NRG3: variants seen among roughly 807,000 people sequenced by gnomAD.
The protein encoded by NRG3 is pro-neuregulin-3, membrane-bound isoform.
NRG3 carries 31 observed loss-of-function variants against 66.9 expected under a neutral mutation model. That is an observed-to-expected ratio of 0.46 (90% CI 0.35 to 0.63). The LOEUF (loss-of-function observed/expected upper bound fraction) is 0.63, where lower values mean the gene tolerates loss of function less well. Ranked by LOEUF, NRG3 falls within the 20% of genes least tolerant of loss-of-function variation. The pLI, the probability that NRG3 is intolerant of heterozygous loss-of-function variation, is 0.00. For synonymous variants in NRG3, 393 were observed against 359.4 expected (o/e 1.09, Z -1.06); for missense variants, 910 against 878.9 (o/e 1.04, Z -0.45).
chr10:82,159,210 T>C (rs1292501448), intron 1 of NRG3, among the ~76,000 whole-genome samples: 2 of 152,038 alleles, frequency 1.3e-5, no homozygotes, highest in East Asian at 1.9e-4. Context: ...CAATGATGTA[T>C]ATGCAAGTAA....
At chr10:82,891,335 C>A (rs1843131623) in intron 4 of NRG3, among the ~76,000 whole-genome samples, 2 of 151,072 alleles carry the variant, frequency 1.3e-5, no homozygotes, top group Non-Finnish European at 3.0e-5. Flanking sequence ...TAATGTTTTC[C>A]AATACAAATT....
intron 1 of NRG3, among the ~76,000 whole-genome samples, chr10:82,126,230 G>A (rs2068441530): frequency 6.6e-6 from 1 of 151,918 alleles, no homozygotes; most frequent in African/African-American, 2.4e-5. Context: ...AATATCATAA[G>A]GTTGTTATTA....
chr10:81,905,508 C>A (rs1377163216), intron 1 of NRG3, among the ~76,000 whole-genome samples: 4 of 152,138 alleles, frequency 2.6e-5, no homozygotes, highest in Non-Finnish European at 5.9e-5. Flanking sequence ...ACAATATTTT[C>A]TTTTATATCT....
intron 2 of NRG3, among the ~76,000 whole-genome samples, chr10:82,582,373 A>G (rs643421): frequency 0.088 from 13,357 of 152,110 alleles, 647 homozygotes; most frequent in East Asian, 0.15. Context: ...CACAAAGGGC[A>G]GGGGGATGAG....
At chr10:82,567,093 G>T (rs990240282) in intron 2 of NRG3, among the ~76,000 whole-genome samples, 1 of 151,944 alleles carries the variant, frequency 6.6e-6, no homozygotes, top group Non-Finnish European at 1.5e-5. Context: ...TCTTTGAAGG[G>T]CAGAGAGAGA....
chr10:82,387,924 T>A (rs2086112316), intron 2 of NRG3, among the ~76,000 whole-genome samples: 1 of 152,166 alleles, frequency 6.6e-6, no homozygotes, highest in South Asian at 2.1e-4. Context: ...CCTGTCAGAA[T>A]GGCAAAGAAC....
chr10:82,897,987 G>A (rs1843824236), intron 4 of NRG3, among the ~76,000 whole-genome samples: 1 of 152,158 alleles, frequency 6.6e-6, no homozygotes, highest in Non-Finnish European at 1.5e-5. Context: ...ACATAATGTA[G>A]CCTTACAGCC....
At chr10:81,999,107 A>G (rs1025083809) in intron 1 of NRG3, among the ~76,000 whole-genome samples, 1 of 152,202 alleles carries the variant, frequency 6.6e-6, no homozygotes, top group African/African-American at 2.4e-5. Flanking sequence ...CTGGGCGGCA[A>G]AGTGTTTTTA....
At chr10:81,895,183 A>C (rs531523749) in intron 1 of NRG3, among the ~76,000 whole-genome samples, 1 of 152,270 alleles carries the variant, frequency 6.6e-6, no homozygotes, top group East Asian at 1.9e-4. Context: ...GAAACTGATT[A>C]ATTTGATTTG....
intron 1 of NRG3, among the ~76,000 whole-genome samples, chr10:82,305,763 G>A (rs1476166914): frequency 6.6e-6 from 1 of 151,974 alleles, no homozygotes; most frequent in Non-Finnish European, 1.5e-5. Flanking sequence ...TCATTCTCTT[G>A]GATTTTCTAC....
At chr10:82,312,752 T>C (rs2081095565) in intron 1 of NRG3, among the ~76,000 whole-genome samples, 1 of 152,034 alleles carries the variant, frequency 6.6e-6, no homozygotes, top group Non-Finnish European at 1.5e-5. Context: ...AGAGCTTAGA[T>C]AAATTACAAC....
At chr10:82,169,552 C>G (rs112858459) in intron 1 of NRG3, among the ~76,000 whole-genome samples, 1,698 of 151,162 alleles carry the variant, frequency 0.011, 33 homozygotes, top group African/African-American at 0.038. Flanking sequence ...ATATTACTTA[C>G]ATCTCTGTAA....
chr10:82,177,729 AC>A (rs1325931285), intron 1 of NRG3, among the ~76,000 whole-genome samples: 1 of 152,152 alleles, frequency 6.6e-6, no homozygotes, highest in Non-Finnish European at 1.5e-5. Flanking sequence ...GTGCGCCACC[AC>A]ATCCAGCTAA....
intron 1 of NRG3, among the ~76,000 whole-genome samples, chr10:82,297,798 TG>T (rs1461801337): frequency 1.3e-5 from 2 of 152,164 alleles, no homozygotes; most frequent in Non-Finnish European, 2.9e-5. Flanking sequence ...TACATTGTAT[TG>T]TTTTTTTCCT....
chr10:82,110,903 A>G (rs1186861508), intron 1 of NRG3, among the ~76,000 whole-genome samples: 2 of 152,152 alleles, frequency 1.3e-5, no homozygotes, highest in Non-Finnish European at 2.9e-5. Flanking sequence ...CAGGATCACC[A>G]GGCAAGTAAG....
intron 2 of NRG3, among the ~76,000 whole-genome samples, chr10:82,539,047 A>G (rs971086920): frequency 6.6e-6 from 1 of 152,174 alleles, no homozygotes; most frequent in African/African-American, 2.4e-5. Context: ...GATTTACTCT[A>G]TTTACAAGAG....
intron 2 of NRG3, among the ~76,000 whole-genome samples, chr10:82,686,183 T>A (rs987187211): frequency 6.6e-6 from 1 of 152,072 alleles, no homozygotes; most frequent in African/African-American, 2.4e-5. Flanking sequence ...CTTTCTTTTT[T>A]TTTTTTATTT....
intron 2 of NRG3, among the ~76,000 whole-genome samples, chr10:82,473,157 C>G (rs1841434075): frequency 6.6e-6 from 1 of 152,162 alleles, no homozygotes; most frequent in Non-Finnish European, 1.5e-5. Context: ...AGTGTGATGT[C>G]TGTGCGCACC....
intron 2 of NRG3, among the ~76,000 whole-genome samples, chr10:82,520,331 C>G (rs929062803): frequency 6.6e-6 from 1 of 151,804 alleles, no homozygotes; most frequent in East Asian, 1.9e-4. Flanking sequence ...TCCAAATCTT[C>G]TAGTCTCCTG....
Sources: allele counts gnomAD v4.1 joint callset (sites outside exome capture counted in the v4.1 genomes callset), GRCh38; gene constraint gnomAD v4.1.1; transcripts MANE v1.5; gene names NCBI Gene and HGNC (gene_info 2026-07-23, HGNC 2026-07-21).